RANBP17: variants seen among roughly 807,000 people sequenced by gnomAD.
RANBP17 encodes the protein ran-binding protein 17.
A neutral mutation model predicts 141.2 loss-of-function variants in RANBP17; 158 were observed. That is an observed-to-expected ratio of 1.12 (90% CI 0.98 to 1.28). The LOEUF (loss-of-function observed/expected upper bound fraction) is 1.28. Among genes scored for constraint, RANBP17 ranks in the 50% most tolerant of loss-of-function variants. The probability of loss-of-function intolerance (pLI) is 0.00; values close to 1 mark genes in which losing one functional copy is unlikely to be tolerated. For synonymous variants in RANBP17, 430 were observed against 450.0 expected (o/e 0.96, Z 0.56); for missense variants, 1,438 against 1,290.7 (o/e 1.11, Z -1.75).
intron 13 of RANBP17, among the ~76,000 whole-genome samples, chr5:170,954,702 T>C (rs995107521): frequency 1.3e-5 from 2 of 152,170 alleles, no homozygotes; most frequent in Non-Finnish European, 2.9e-5. Flanking sequence ...CTTTTAGATA[T>C]ACTAAATTGT....
At chr5:171,033,040 AT>A (rs1392387413) in intron 14 of RANBP17, among the ~76,000 whole-genome samples, 1 of 151,484 alleles carries the variant, frequency 6.6e-6, no homozygotes, top group African/African-American at 2.4e-5. Context: ...TTTTCTAAAG[AT>A]TTTTTTCACC....
chr5:170,903,668 A>T, intron 5 of RANBP17: 1 of 280,732 alleles, frequency 3.6e-6, no homozygotes. Flanking sequence ...CTTAATGAGC[A>T]AGCAGACTGT....
At chr5:171,086,884 A>G (rs1349877577) in intron 14 of RANBP17, among the ~76,000 whole-genome samples, 2 of 144,290 alleles carry the variant, frequency 1.4e-5, no homozygotes, top group Non-Finnish European at 3.0e-5. Flanking sequence ...CTAGCGGTCT[A>G]TCAATTTTGT....
At chr5:170,969,326 G>A (rs1472501219) in intron 14 of RANBP17, among the ~76,000 whole-genome samples, 1 of 151,566 alleles carries the variant, frequency 6.6e-6, no homozygotes, top group Non-Finnish European at 1.5e-5. Flanking sequence ...AATTCTCTTA[G>A]AATTTAGCTG....
chr5:171,253,098 G>A (rs1415846698), intron 24 of RANBP17: 1 of 668,998 alleles, frequency 1.5e-6, no homozygotes, highest in East Asian at 2.7e-5. Flanking sequence ...AGCTCTGGGG[G>A]CAGTAGCACA....
intron 14 of RANBP17, among the ~76,000 whole-genome samples, chr5:171,064,886 T>C (rs865911915): frequency 3.9e-5 from 6 of 152,192 alleles, no homozygotes; most frequent in Admixed American, 2.0e-4. Context: ...AAAAAAATCC[T>C]TGATTTATTA....
intron 20 of RANBP17, among the ~76,000 whole-genome samples, chr5:171,211,884 T>C (rs1762917818): frequency 6.6e-6 from 1 of 152,194 alleles, no homozygotes; most frequent in Non-Finnish European, 1.5e-5. Flanking sequence ...CCAAGTGAAA[T>C]ACACAATTAA....
At chr5:171,088,930 A>T (rs1581604001) in intron 14 of RANBP17, among the ~76,000 whole-genome samples, 1 of 151,844 alleles carries the variant, frequency 6.6e-6, no homozygotes, top group African/African-American at 2.4e-5. Context: ...AGCTCAGAGT[A>T]ATTTGATCGT....
intron 14 of RANBP17, among the ~76,000 whole-genome samples, chr5:171,067,257 A>G (rs111567438): frequency 0.014 from 2,202 of 152,290 alleles, 57 homozygotes; most frequent in African/African-American, 0.047. Context: ...TTACTTGAAT[A>G]GCATACATTA....
chr5:171,171,949 A>C (rs961314759), intron 16 of RANBP17, among the ~76,000 whole-genome samples: 3 of 151,954 alleles, frequency 2.0e-5, no homozygotes, highest in African/African-American at 7.2e-5. Flanking sequence ...TCTAGTTGAC[A>C]GTATTGTCAT....
chr5:171,016,724 G>A (rs1474150438), intron 14 of RANBP17, among the ~76,000 whole-genome samples: 1 of 151,366 alleles, frequency 6.6e-6, no homozygotes, highest in Non-Finnish European at 1.5e-5. Flanking sequence ...CTTATTAGTT[G>A]TACCTCTGTT....
At chr5:171,021,450 C>G (rs1184837687) in intron 14 of RANBP17, among the ~76,000 whole-genome samples, 1 of 152,178 alleles carries the variant, frequency 6.6e-6, no homozygotes, top group Non-Finnish European at 1.5e-5. Flanking sequence ...TCCCATATTT[C>G]TTGGAGGCTT....
chr5:170,957,618 A>G (rs1775823976), intron 13 of RANBP17, among the ~76,000 whole-genome samples: 1 of 152,094 alleles, frequency 6.6e-6, no homozygotes, highest in Non-Finnish European at 1.5e-5. Context: ...CCCTTTTTAT[A>G]TTCTGTTTAG....
chr5:170,904,104 AT>A, intron 5 of RANBP17: 2 of 394,688 alleles, frequency 5.1e-6, no homozygotes, highest in Non-Finnish European at 4.9e-6. Flanking sequence ...AAATGTACAG[AT>A]TTTACATCTT....
chr5:170,983,606 T>TG (rs1777920672), intron 14 of RANBP17, among the ~76,000 whole-genome samples: 1 of 152,170 alleles, frequency 6.6e-6, no homozygotes. Context: ...CCGAAAGAGT[T>TG]GAAAATGGGT....
intron 14 of RANBP17, among the ~76,000 whole-genome samples, chr5:171,052,371 T>C (rs1042367667): frequency 2.6e-5 from 4 of 152,200 alleles, no homozygotes; most frequent in African/African-American, 9.7e-5. Flanking sequence ...TCTAATATTT[T>C]ATACTTTTAG....
chr5:171,238,787 G>C (rs4868074), intron 22 of RANBP17, among the ~76,000 whole-genome samples: 123,497 of 152,090 alleles, frequency 0.81, 50,560 homozygotes, highest in East Asian at 1. Context: ...CCAGAGTACA[G>C]TCCTCTGTTT....
chr5:171,238,254 GATTTTTCACACA>G (rs1479585429), intron 22 of RANBP17, among the ~76,000 whole-genome samples: 2 of 152,166 alleles, frequency 1.3e-5, no homozygotes, highest in Non-Finnish European at 2.9e-5. Flanking sequence ...ACCAAGGTCT[GATTTTTCACACA>G]AAAAAATTTG....
chr5:171,131,351 G>A (rs756355505), intron 14 of RANBP17, among the ~76,000 whole-genome samples: 56 of 152,112 alleles, frequency 3.7e-4, no homozygotes, highest in Non-Finnish European at 1.9e-4. Context: ...TGCAAATAAT[G>A]GGATTCCTGT....
Sources: gnomAD v4.1 joint callset for allele counts (sites outside exome capture counted in the v4.1 genomes callset) on GRCh38, gnomAD v4.1.1 for gene constraint, MANE v1.5 for transcripts, NCBI Gene and HGNC (gene_info 2026-07-23, HGNC 2026-07-21) for gene names.